The following RHOA variants were observed in gnomAD, a reference collection of about 807,000 sequenced individuals.
The protein encoded by RHOA is transforming protein RhoA.
In RHOA, 3 loss-of-function variants were observed where a neutral mutation model predicts 17.5. The observed-to-expected ratio is 0.17, with a 90% CI of 0.08 to 0.44. RHOA has a LOEUF of 0.44. Among genes scored for constraint, RHOA ranks in the 20% least tolerant of loss-of-function variants. RHOA has a pLI of 0.99. For synonymous variants in RHOA, 98 were observed against 88.4 expected (o/e 1.11, Z -0.61); for missense variants, 56 against 242.3 (o/e 0.23, Z 5.10).
chr3:49,369,806 G>A (rs2048122832), intron 2 of RHOA, among the ~76,000 whole-genome samples: 2 of 152,042 alleles, frequency 1.3e-5, no homozygotes, highest in Non-Finnish European at 1.5e-5. Context: ...GGTGGCTCAC[G>A]CCTGTAATCC....
intron 1 of RHOA, among the ~76,000 whole-genome samples, chr3:49,389,509 TATTTC>T (rs992801631): frequency 1.4e-4 from 21 of 152,282 alleles, no homozygotes; most frequent in Middle Eastern, 3.4e-3. Context: ...GCGGCAGGTC[TATTTC>T]CAGCCACATG....
At chr3:49,408,297 CAT>C (rs1271175874) in intron 1 of RHOA, among the ~76,000 whole-genome samples, 1 of 150,726 alleles carries the variant, frequency 6.6e-6, no homozygotes, top group African/African-American at 2.4e-5. Context: ...AGTATATATA[CAT>C]ATACACACAC....
chr3:49,385,667 A>G (rs2048385038), intron 1 of RHOA, among the ~76,000 whole-genome samples: 1 of 152,050 alleles, frequency 6.6e-6, no homozygotes, highest in Non-Finnish European at 1.5e-5. Flanking sequence ...ACCACAGCCA[A>G]ATTCAAGGTC....
chr3:49,398,839 C>CAAAAAAAA (rs71080506), intron 1 of RHOA, among the ~76,000 whole-genome samples: 15 of 35,664 alleles, frequency 4.2e-4, no homozygotes, highest in African/African-American at 1.6e-3. Flanking sequence ...GACTCCGTCT[C>CAAAAAAAA]AAAAAAAAAA....
intron 1 of RHOA, among the ~76,000 whole-genome samples, chr3:49,398,619 C>T (rs181807964): frequency 1.3e-5 from 2 of 148,908 alleles, no homozygotes; most frequent in Non-Finnish European, 3.0e-5. Flanking sequence ...GTCAGGAGAT[C>T]GAGACCATCC....
chr3:49,372,191 A>G (rs977606251), intron 2 of RHOA, among the ~76,000 whole-genome samples: 4 of 152,134 alleles, frequency 2.6e-5, no homozygotes, highest in Admixed American at 2.6e-4. Flanking sequence ...GTTTGTCACA[A>G]CTGGGCCCTG....
chr3:49,410,881 G>C lies in RHOA; in HGVS notation c.-3+939C>G, dbSNP rs180795395. Among the ~76,000 whole-genome samples, 701 of 152,234 alleles carry C rather than the reference G, an allele frequency of 4.6e-3. 4 individuals are homozygous for C. The highest frequency in any genetic ancestry group is 7.8e-3 in the Non-Finnish European group (529 of 68,010). ...CAACAGAGGTAAAAATTTAAAATCA[G>C]AACTATTAAAAAACACAAGTGGAAC... On this transcript the variant is annotated intron_variant, in intron 1 of 4. Coordinates refer to ENST00000418115, the MANE Select transcript of RHOA (RefSeq NM_001664.4).
intron 1 of RHOA, among the ~76,000 whole-genome samples, chr3:49,401,955 G>C (rs2048730443): frequency 6.6e-6 from 1 of 152,164 alleles, no homozygotes; most frequent in South Asian, 2.1e-4. Flanking sequence ...CTTAGTTCAA[G>C]AGCTTTCCTT....
intron 1 of RHOA, among the ~76,000 whole-genome samples, chr3:49,375,831 A>G (rs2048216862): frequency 6.6e-6 from 1 of 152,188 alleles, no homozygotes; most frequent in Admixed American, 6.6e-5. Context: ...GGAACAAGAC[A>G]AGAATGTCTG....
At chr3:49,384,054 A>G (rs2048359136) in intron 1 of RHOA, among the ~76,000 whole-genome samples, 1 of 152,136 alleles carries the variant, frequency 6.6e-6, no homozygotes, top group South Asian at 2.1e-4. Flanking sequence ...AAAGAAAAAG[A>G]AAAATATCTG....
chr3:49,380,594 G>A (rs1031439602), intron 1 of RHOA, among the ~76,000 whole-genome samples: 1 of 151,254 alleles, frequency 6.6e-6, no homozygotes, highest in Non-Finnish European at 1.5e-5. Flanking sequence ...AGAATCGCTT[G>A]AACCTGGGAG....
intron 1 of RHOA, among the ~76,000 whole-genome samples, chr3:49,385,188 T>C (rs1276082188): frequency 6.6e-6 from 1 of 151,220 alleles, no homozygotes; most frequent in Non-Finnish European, 1.5e-5. Context: ...ACTACAGGGG[T>C]GAGCCACTGC....
At chr3:49,400,605 T>C (rs1239720217) in intron 1 of RHOA, among the ~76,000 whole-genome samples, 2 of 151,752 alleles carry the variant, frequency 1.3e-5, no homozygotes, top group Admixed American at 6.6e-5. Flanking sequence ...TCTGTAATCC[T>C]AGCTACTCAG....
chr3:49,393,672 CTCTCTGTGTGTGTGTGTGTGTGTG>C (rs2048555624), intron 1 of RHOA, among the ~76,000 whole-genome samples: 19 of 54,206 alleles, frequency 3.5e-4, no homozygotes, highest in African/African-American at 6.4e-4. Context: ...CTCAAATTCT[CTCTCTGTGTGTGTGTGTGTGTGTG>C]TGTGTGTGTG....
At chr3:49,388,260 T>C (rs1179034258) in intron 1 of RHOA, among the ~76,000 whole-genome samples, 2 of 151,990 alleles carry the variant, frequency 1.3e-5, no homozygotes, top group Non-Finnish European at 2.9e-5. Context: ...GGCTCAGTGA[T>C]GAACTCCTGG....
chr3:49,383,572 C>A (rs1392978535), intron 1 of RHOA, among the ~76,000 whole-genome samples: 3 of 152,270 alleles, frequency 2.0e-5, no homozygotes, highest in African/African-American at 7.2e-5. Context: ...CCCTCTCCAG[C>A]CCCACCTTCC....
chr3:49,387,560 G>A (rs1345492466), intron 1 of RHOA, among the ~76,000 whole-genome samples: 3 of 150,796 alleles, frequency 2.0e-5, no homozygotes, highest in Non-Finnish European at 1.5e-5. Context: ...TGGCTAACAC[G>A]GTGAAACCCC....
At position 49,365,738 on chromosome 3, in the gene RHOA, A is replaced by C. The variant is rs1575644352; in HGVS notation, c.277+2690T>G. ...CCTGAGTAGCTGGGATTACAGGTAC[A>C]TGCCACCATACTTGGCTAAGTTTTG... On this transcript the variant is annotated intron_variant, in intron 3 of 4. Transcript: ENST00000418115. Among the ~76,000 whole-genome samples, 3 of 151,706 alleles carry C rather than the reference A, an allele frequency of 2.0e-5. No individual in the cohort carries two copies. The South Asian group carries it at 6.3e-4, about 32-fold the overall frequency.
intron 1 of RHOA, among the ~76,000 whole-genome samples, chr3:49,401,028 A>AAGAAC (rs1491147365): frequency 1.0e-5 from 1 of 99,462 alleles, no homozygotes; most frequent in Non-Finnish European, 2.0e-5. Flanking sequence ...CCTGGGCGAC[A>AAGAAC]GAGACTCCGT....
Sources: allele counts gnomAD v4.1 joint callset (sites outside exome capture counted in the v4.1 genomes callset), GRCh38; gene constraint gnomAD v4.1.1; transcripts MANE v1.5; gene names NCBI Gene and HGNC (gene_info 2026-07-23, HGNC 2026-07-21).